ANLN: variants seen among roughly 807,000 people sequenced by gnomAD.
The protein encoded by ANLN is anillin.
Under a neutral mutation model 135.1 loss-of-function variants are expected in ANLN, and 59 were observed. The ratio of observed to expected loss-of-function variants is 0.44; its 90% CI spans 0.35 to 0.54. ANLN has a LOEUF of 0.54. Ranked by LOEUF, ANLN falls within the 20% of genes least tolerant of loss-of-function variation. The pLI is 0.00. For missense variants in ANLN, 1,182 were observed against 1,340.0 expected (o/e 0.88, Z 1.84); for synonymous variants, 406 against 456.4 (o/e 0.89, Z 1.41).
At position 36,449,813 on chromosome 7, in the gene ANLN, G is replaced by T. The variant is rs772051795; in HGVS notation, c.3227G>T (p.Cys1076Phe). The change falls in exon 23 of 24, where the codon TGC (cysteine) becomes TTC (phenylalanine). Residue 1076 changes from cysteine (C) to phenylalanine (F), a missense_variant. By Grantham distance (205) the Cys-to-Phe change is radical. Around this residue, in one of 3 missense-constraint regions of ANLN, gnomAD observed 78 missense variants for 72.7 expected, o/e 1.07. Coordinates refer to ENST00000265748, the MANE Select transcript of ANLN (RefSeq NM_018685.5). ...EDDRETLVSQ[C>F]RDTLCVTKNW... ...GACCGAGAGACTCTTGTCAGCCAATGCAGGGACACACTCTGTGTTACCAAG... is the reference window on the plus strand; with the variant it reads ...GACCGAGAGACTCTTGTCAGCCAATTCAGGGACACACTCTGTGTTACCAAG... 78 of 1,613,744 alleles carry T rather than the reference G, an allele frequency of 4.8e-5. 2 individuals carry two copies. The South Asian group carries it at 8.3e-4, about 17-fold the overall frequency.
chr7:36,420,410 C>T, intron 11 of ANLN, 96 bp downstream of exon 11: 2 of 1,457,254 alleles, frequency 1.4e-6, no homozygotes, highest in Non-Finnish European at 1.9e-6. Context: ...TTATTAATAA[C>T]TCATCTGTAT....
rs1789311729 is a variant in ANLN at position 36,453,059 on chromosome 7, AT to A, written c.*460del. 6.5e-6 allele frequency: 1 copy of A among 152,934 alleles called. No individual in the cohort carries two copies. The highest frequency in any genetic ancestry group is 1.5e-5 in the Non-Finnish European group (1 of 68,570). 9.5% of individuals were successfully genotyped at this position (152,934 alleles called of 1,614,324 possible). A position where few individuals can be genotyped will look rare whatever the true frequency, so the allele number is the denominator to read the frequency against. On this transcript the variant is annotated 3_prime_UTR_variant, in exon 24 of 24. Coordinates refer to ENST00000265748, the MANE Select transcript of ANLN (RefSeq NM_018685.5). ...ACTTGTTACTAGGGTACTGAAAAAA[AT>A]GTCTAAGGCCTTTACAGAAACATTT...
chr7:36,420,286 G>A lies in ANLN; in HGVS notation c.1987G>A (p.Gly663Ser), dbSNP rs762454595. 2.4e-5 allele frequency: 39 copies of A among 1,613,890 alleles called. No individual in the cohort carries two copies. Among genetic ancestry groups the A allele is most frequent in the Middle Eastern group, 1.6e-4 (1 of 6,082 alleles). ...VPRAESGDSL[G>S]SEDRDLLYSI... ...TCGAGCTGAATCTGGTGATAGCCTT[G>A]GTTCTGAAGATCGTGATCTTCTTTA... The change falls in exon 11 of 24, where the codon GGT becomes AGT. Residue 663 changes from glycine (G) to serine (S), a missense_variant. Coordinates refer to ENST00000265748, the MANE Select transcript of ANLN (RefSeq NM_018685.5).
intron 12 of ANLN, among the ~76,000 whole-genome samples, chr7:36,421,516 C>T (rs1480529659): frequency 6.6e-6 from 1 of 151,818 alleles, no homozygotes; most frequent in African/African-American, 2.4e-5. Flanking sequence ...CCATGCCTGG[C>T]CCTAAGGAAG....
chr7:36,410,741 G>C, intron 6 of ANLN, 37 bp downstream of exon 6: 1 of 1,579,450 alleles, frequency 6.3e-7, no homozygotes, highest in African/African-American at 1.3e-5. Flanking sequence ...TCATCACATG[G>C]TCTCTGCATA....
intron 18 of ANLN, 103 bp downstream of exon 18, chr7:36,425,843 A>G: frequency 7.8e-7 from 1 of 1,274,924 alleles, no homozygotes; most frequent in Non-Finnish European, 1.1e-6. Context: ...CACTGTGGAA[A>G]ATTTTAACAT....
At chr7:36,445,152 T>C (rs1044935154) in intron 22 of ANLN, among the ~76,000 whole-genome samples, 1 of 145,922 alleles carries the variant, frequency 6.9e-6, no homozygotes, top group Non-Finnish European at 1.5e-5. Context: ...GCGTTTCAGA[T>C]TTGGGATTCT....
chr7:36,432,032 A>G (rs1208111957), intron 20 of ANLN, among the ~76,000 whole-genome samples: 5 of 152,138 alleles, frequency 3.3e-5, no homozygotes, highest in Non-Finnish European at 1.5e-5. Context: ...AGCAACATAG[A>G]TGATGAAAAC....
rs758241657 is a variant in ANLN at position 36,422,625 on chromosome 7, T to G, written c.2300-8T>G. On this transcript the variant is annotated splice_region_variant and splice_polypyrimidine_tract_variant and intron_variant, in intron 13 of 23. Transcript: ENST00000265748. ...TTAATATTTGGAATATTGCGTTGTT[T>G]TACATAGCTGGGAAGAGAACACTTT... The G allele has an allele frequency of 5.7e-6, 9 of 1,580,758 alleles. No individual in the cohort carries two copies. The highest frequency in any genetic ancestry group is 7.7e-6 in the Non-Finnish European group (9 of 1,169,562).
intron 20 of ANLN, among the ~76,000 whole-genome samples, chr7:36,437,030 T>A (rs115537344): frequency 0.01 from 1,599 of 152,320 alleles, 33 homozygotes; most frequent in African/African-American, 0.036. Flanking sequence ...AAGAAATTTT[T>A]AAGTATACAG....
chr7:36,410,540 G>T lies in ANLN; in HGVS notation c.1123G>T (p.Glu375Ter). The T allele has an allele frequency of 6.2e-7, 1 of 1,610,162 alleles. No individual in the cohort carries two copies. The highest frequency in any genetic ancestry group is 8.5e-7 in the Non-Finnish European group (1 of 1,178,482). ...PGGTGIKPFL[E>*]RFGERCQEHS... ...AGGAACAGGAATTAAGCCTTTCCTG[G>T]AACGCTTTGGAGAGCGTTGTCAAGA... Residue 375 changes from glutamate to a stop codon, truncating the protein, a stop_gained, in exon 6 of 24, where the codon GAA (glutamate) becomes TAA (stop). Transcript: ENST00000265748. LOFTEE classifies it high-confidence loss of function.
At chr7:36,452,030 G>T (rs1185200493) in intron 23 of ANLN, among the ~76,000 whole-genome samples, 1 of 152,210 alleles carries the variant, frequency 6.6e-6, no homozygotes. Context: ...ATTACCTGTA[G>T]AGCCAGGTGA....
At chr7:36,390,207 G>A (rs1786375918) in intron 1 of ANLN, 163 bp downstream of exon 1, 1 of 1,116,204 alleles carries the variant, frequency 9.0e-7, no homozygotes. Context: ...GGCCTGCTGT[G>A]GTTGGTGGGT....
At chr7:36,393,819 GT>G (rs1202375376) in intron 1 of ANLN, among the ~76,000 whole-genome samples, 1 of 152,194 alleles carries the variant, frequency 6.6e-6, no homozygotes, top group Non-Finnish European at 1.5e-5. Flanking sequence ...AGCTGCAATT[GT>G]TTTAATATTT....
intron 1 of ANLN, among the ~76,000 whole-genome samples, chr7:36,395,804 C>G (rs1188234356): frequency 1.3e-5 from 2 of 151,882 alleles, no homozygotes; most frequent in African/African-American, 4.8e-5. Flanking sequence ...TTGATACTGA[C>G]CATCACCTGG....
chr7:36,443,838 T>C lies in ANLN; in HGVS notation c.3054T>C (p.Thr1018=), dbSNP rs372874265. ...VLSGNCISYW[T]YPDDEKRKNP... is the part of the protein sequence containing the mutation. ...CTGGAAACTGTATATCTTATTGGAC[T>C]TATCCAGATGATGAGAAACGCAAGG... The change falls in exon 22 of 24, where the codon ACT becomes ACC. Residue 1018 remains threonine (T), a synonymous_variant. Coordinates refer to ENST00000265748, the MANE Select transcript of ANLN (RefSeq NM_018685.5). 5.8e-5 allele frequency: 93 copies of C among 1,610,522 alleles called. No homozygotes were observed. The highest frequency in any genetic ancestry group is 1.2e-4 in the Admixed American group (7 of 59,796).
chr7:36,408,452 GATAA>G (rs1255581063), intron 5 of ANLN, among the ~76,000 whole-genome samples: 2 of 152,064 alleles, frequency 1.3e-5, no homozygotes, highest in Admixed American at 6.5e-5. Flanking sequence ...GCTGTTTATT[GATAA>G]ATAATAGATG....
At chr7:36,397,636 A>T (rs562556609) in intron 2 of ANLN, among the ~76,000 whole-genome samples, 1 of 152,332 alleles carries the variant, frequency 6.6e-6, no homozygotes, top group Non-Finnish European at 1.5e-5. Context: ...AAAAGAGCCA[A>T]GTGTAGTGGC....
chr7:36,447,869 T>C (rs1789079127), intron 22 of ANLN, among the ~76,000 whole-genome samples: 1 of 152,122 alleles, frequency 6.6e-6, no homozygotes, highest in African/African-American at 2.4e-5. Context: ...CTGTGGGTAA[T>C]TGAAGCTATG....
Sources: allele counts gnomAD v4.1 joint callset (sites outside exome capture counted in the v4.1 genomes callset), GRCh38; gene constraint gnomAD v4.1.1; regional missense constraint gnomAD v4.1.1; transcripts MANE v1.5; gene names NCBI Gene and HGNC (gene_info 2026-07-23, HGNC 2026-07-21).